Variants in RBBP8 observed in about 807,000 individuals in gnomAD.
RBBP8 encodes RB binding protein 8, endonuclease.
In RBBP8, 88 loss-of-function variants were observed where a neutral mutation model predicts 108.3. That is an observed-to-expected ratio of 0.81 (90% CI 0.68 to 0.97). The LOEUF (loss-of-function observed/expected upper bound fraction) is 0.97, where lower values mean the gene tolerates loss of function less well. RBBP8 is among the 50% of genes least tolerant of loss of function. The probability of loss-of-function intolerance (pLI) is 0.00; values close to 1 mark genes in which losing one functional copy is unlikely to be tolerated. For synonymous variants in RBBP8, 332 were observed against 348.2 expected (o/e 0.95, Z 0.52); for missense variants, 1,023 against 1,049.0 (o/e 0.98, Z 0.34).
intron 6 of RBBP8, among the ~76,000 whole-genome samples, chr18:22,979,346 T>A (rs775227069): frequency 2.6e-5 from 4 of 152,206 alleles, no homozygotes; most frequent in South Asian, 2.1e-4. Context: ...ATTTAAAAAA[T>A]TTTAAATAAT....
chr18:22,989,358 TTA>T, intron 9 of RBBP8, 40 bp downstream of exon 9: 4 of 1,404,676 alleles, frequency 2.8e-6, no homozygotes, highest in South Asian at 1.2e-5. Context: ...TGAATTAATT[TTA>T]TGTCTTTTTA....
chr18:22,963,198 C>G (rs1913262569), intron 4 of RBBP8, among the ~76,000 whole-genome samples: 2 of 152,022 alleles, frequency 1.3e-5, no homozygotes, highest in African/African-American at 4.8e-5. Flanking sequence ...TATGAGCTAT[C>G]TATAAATTTT....
At chr18:22,963,218 AG>A (rs1397586357) in intron 4 of RBBP8, among the ~76,000 whole-genome samples, 1 of 151,956 alleles carries the variant, frequency 6.6e-6, no homozygotes, top group Non-Finnish European at 1.5e-5. Context: ...TTCTTGACTT[AG>A]GTGTTTTTTT....
At chr18:22,960,331 G>A (rs964023917) in intron 4 of RBBP8, among the ~76,000 whole-genome samples, 4 of 152,170 alleles carry the variant, frequency 2.6e-5, no homozygotes, top group Admixed American at 1.3e-4. Flanking sequence ...TAGGCAGATC[G>A]CTTTAGCCCA....
At chr18:22,954,555 G>C (rs1314824260) in intron 4 of RBBP8, among the ~76,000 whole-genome samples, 1 of 152,204 alleles carries the variant, frequency 6.6e-6, no homozygotes, top group Non-Finnish European at 1.5e-5. Flanking sequence ...CCCATTCCCA[G>C]CTTCCTTCAC....
chr18:23,026,321 A>AT lies in RBBP8; in HGVS notation c.*88dup, dbSNP rs371808218. 3.5e-6 allele frequency: 4 copies of AT among 1,157,874 alleles called. No homozygotes were observed. The highest frequency in any genetic ancestry group is 4.9e-5 in the East Asian group (2 of 41,004). The allele number at this position is 1,157,874 out of a possible 1,614,324, so 71.7% of individuals were successfully genotyped here. A position where few individuals can be genotyped will look rare whatever the true frequency, so the allele number is the denominator to read the frequency against. On this transcript the variant is annotated 3_prime_UTR_variant, in exon 19 of 19. Transcript: ENST00000327155. ...TAGTTAAAGTTGGTACTAAACATTG[A>AT]TTTTTTTGATCTTCTGTAAATGGAT...
chr18:23,022,630 AATAAAATAAATAAAATACAAT>A, intron 18 of RBBP8, among the ~76,000 whole-genome samples: 1 of 94,794 alleles, frequency 1.1e-5, no homozygotes, highest in Admixed American at 1.1e-4. Context: ...AATAAAATAA[AATAAAATAAATAAAATACAAT>A]ATAAAATAAA....
chr18:22,949,848 T>C (rs1911890070), intron 4 of RBBP8, 135 bp downstream of exon 4: 1 of 653,840 alleles, frequency 1.5e-6, no homozygotes, highest in South Asian at 1.8e-5. Context: ...GAATGAATAC[T>C]TTATGAAAAC....
intron 15 of RBBP8, among the ~76,000 whole-genome samples, chr18:23,002,099 T>G (rs2144746934): frequency 6.6e-6 from 1 of 152,172 alleles, no homozygotes; most frequent in Non-Finnish European, 1.5e-5. Context: ...TGTAATAGAG[T>G]AGAAGGAGAA....
At chr18:22,953,485 A>G (rs1912215894) in intron 4 of RBBP8, among the ~76,000 whole-genome samples, 1 of 152,210 alleles carries the variant, frequency 6.6e-6, no homozygotes, top group African/African-American at 2.4e-5. Context: ...GGCTTAATAC[A>G]ATTGGCTCTC....
upstream of RBBP8, among the ~76,000 whole-genome samples, chr18:22,929,943 A>G (rs905844980): frequency 1.3e-5 from 2 of 152,224 alleles, no homozygotes; most frequent in East Asian, 3.8e-4. Flanking sequence ...GTTTGAAACC[A>G]TATGACTTTA....
intron 5 of RBBP8, among the ~76,000 whole-genome samples, chr18:22,973,066 C>T (rs1016786037): frequency 6.6e-6 from 1 of 152,108 alleles, no homozygotes; most frequent in Non-Finnish European, 1.5e-5. Flanking sequence ...ATTAATGACT[C>T]CTACGTCAAA....
At chr18:23,019,677 T>C (rs2046316061) in intron 17 of RBBP8, among the ~76,000 whole-genome samples, 1 of 152,104 alleles carries the variant, frequency 6.6e-6, no homozygotes, top group Non-Finnish European at 1.5e-5. Context: ...ACAAACCCCA[T>C]TGATTCTTCC....
intron 8 of RBBP8, among the ~76,000 whole-genome samples, chr18:22,986,802 T>C (rs1050249923): frequency 6.6e-6 from 1 of 152,160 alleles, no homozygotes; most frequent in African/African-American, 2.4e-5. Context: ...TATTAACATG[T>C]GTGTCTGTTT....
intron 5 of RBBP8, among the ~76,000 whole-genome samples, chr18:22,971,641 C>CTTTTT (rs919907678): frequency 3.6e-4 from 39 of 109,224 alleles, no homozygotes; most frequent in Middle Eastern, 6.9e-3. Flanking sequence ...TGTTTAATTT[C>CTTTTT]TTTTTTTTTT....
At chr18:22,919,030 A>G (rs1053556147) in intron 3 of RBBP8, among the ~76,000 whole-genome samples, 5 of 152,246 alleles carry the variant, frequency 3.3e-5, no homozygotes, top group Admixed American at 1.3e-4. Flanking sequence ...GATAGCAAGT[A>G]ATGATGAGCA....
At position 22,982,287 on chromosome 18, in the gene RBBP8, A is replaced by G. The variant is rs1385702416; in HGVS notation, c.498A>G (p.Thr166=). The change falls in exon 7 of 19, where the codon ACA becomes ACG. Residue 166 remains threonine (T), a synonymous_variant. Coordinates refer to ENST00000327155, the MANE Select transcript of RBBP8 (RefSeq NM_002894.3). ...ACGTTATTCCAGATTCACCGATAAC[A>G]GCCTTCTCATTTTCTGGCGTTAACC... ...EEDVIPDSPI[T]AFSFSGVNRL... The G allele has an allele frequency of 6.2e-7, 1 of 1,614,198 alleles. No individual in the cohort carries two copies. The highest frequency in any genetic ancestry group is 8.5e-7 in the Non-Finnish European group (1 of 1,180,022).
chr18:22,933,094 G>T (rs1910141325), upstream of RBBP8, among the ~76,000 whole-genome samples: 1 of 152,242 alleles, frequency 6.6e-6, no homozygotes, highest in Non-Finnish European at 1.5e-5. Context: ...GAACCGCAAG[G>T]GCTTGATGCT....
chr18:22,933,898 A>G (rs1003591901), intron 1 of RBBP8: 1 of 152,244 alleles, frequency 6.6e-6, no homozygotes, highest in Admixed American at 6.5e-5. Flanking sequence ...CGGCGCGGGC[A>G]CCTGGGGAGA....
Sources: allele counts gnomAD v4.1 joint callset (sites outside exome capture counted in the v4.1 genomes callset), GRCh38; gene constraint gnomAD v4.1.1; transcripts MANE v1.5; gene names NCBI Gene and HGNC (gene_info 2026-07-23, HGNC 2026-07-21).